The following OR2C1 variants were observed in gnomAD, a reference collection of about 807,000 sequenced individuals.
OR2C1 encodes the protein olfactory receptor family 2 subfamily C member 1.
For missense variants in OR2C1, 468 were observed against 388.3 expected (o/e 1.21, Z -1.73); for synonymous variants, 209 against 167.3 (o/e 1.25, Z -1.92).
At chr16:3,335,089 G>A in the OR2C1 span, among the ~76,000 whole-genome samples, 2 of 152,212 alleles carry the variant, frequency 1.3e-5, no homozygotes, top group Non-Finnish European at 2.9e-5. Context: ...AAAGTGCTGG[G>A]ATTACAGGCG....
chr16:3,355,823 C>T (rs1326482719), upstream of OR2C1: 6 of 701,906 alleles, frequency 8.5e-6, no homozygotes, highest in Non-Finnish European at 1.4e-5. Context: ...ACTATGGATC[C>T]CAGAGAACTA....
At chr16:3,325,460 AATATATATAT>A in the OR2C1 span, among the ~76,000 whole-genome samples, 4,241 of 92,868 alleles carry the variant, frequency 0.046, 90 homozygotes, top group Non-Finnish European at 0.054. Context: ...TATGTCTAAA[AATATATATAT>A]ATATATATAT....
chr16:3,323,115 A>T, the OR2C1 span: 3 of 552,778 alleles, frequency 5.4e-6, no homozygotes, highest in Non-Finnish European at 8.9e-6. Flanking sequence ...TTGATAAAAA[A>T]AATCTCAAAA....
the OR2C1 span, among the ~76,000 whole-genome samples, chr16:3,333,068 C>T: frequency 6.6e-6 from 1 of 151,948 alleles, no homozygotes; most frequent in Non-Finnish European, 1.5e-5. Context: ...AAATTAAAGC[C>T]ATTTTTAACT....
the OR2C1 span, among the ~76,000 whole-genome samples, chr16:3,339,043 C>G: frequency 6.6e-6 from 1 of 152,118 alleles, no homozygotes. Context: ...TTGGAAACCA[C>G]AAATCGGCCT....
At chr16:3,325,458 AAAATATAT>A in the OR2C1 span, among the ~76,000 whole-genome samples, 9 of 60,540 alleles carry the variant, frequency 1.5e-4, no homozygotes, top group East Asian at 1.9e-3. Flanking sequence ...ATTATGTCTA[AAAATATAT>A]ATATATATAT....
At chr16:3,333,557 A>C in the OR2C1 span, among the ~76,000 whole-genome samples, 2 of 151,966 alleles carry the variant, frequency 1.3e-5, no homozygotes, top group Non-Finnish European at 2.9e-5. Context: ...GGATGGTCTC[A>C]ATCTCCTGAC....
chr16:3,331,765 G>A, the OR2C1 span, among the ~76,000 whole-genome samples: 117,999 of 150,474 alleles, frequency 0.78, 46,365 homozygotes, highest in East Asian at 0.93. Context: ...TGCTATAAAG[G>A]CACATGCACA....
the OR2C1 span, among the ~76,000 whole-genome samples, chr16:3,326,884 C>T: frequency 6.6e-6 from 1 of 152,168 alleles, no homozygotes; most frequent in Non-Finnish European, 1.5e-5. Flanking sequence ...GATAGAAATT[C>T]AGTCCTTGGT....
At chr16:3,344,524 G>A in the OR2C1 span, among the ~76,000 whole-genome samples, 2 of 151,862 alleles carry the variant, frequency 1.3e-5, no homozygotes, top group Non-Finnish European at 1.5e-5. Context: ...TCAGGAGATC[G>A]AGACCATCCT....
the OR2C1 span, among the ~76,000 whole-genome samples, chr16:3,324,107 T>C: frequency 6.6e-6 from 1 of 152,236 alleles, no homozygotes; most frequent in East Asian, 1.9e-4. Flanking sequence ...CAAAATTAAA[T>C]ATTTGTAGCA....
chr16:3,336,955 A>T, the OR2C1 span, among the ~76,000 whole-genome samples: 7 of 149,488 alleles, frequency 4.7e-5, no homozygotes, highest in Non-Finnish European at 5.9e-5. Flanking sequence ...TGATCCGCCC[A>T]TCTTGGCCTC....
chr16:3,345,774 CCT>C, the OR2C1 span, among the ~76,000 whole-genome samples: 6 of 150,024 alleles, frequency 4.0e-5, no homozygotes, highest in Non-Finnish European at 7.4e-5. Context: ...TCTTTCTCTC[CCT>C]CTTTCTTTTT....
upstream of OR2C1, among the ~76,000 whole-genome samples, chr16:3,353,715 C>T (rs952657243): frequency 5.4e-5 from 8 of 148,690 alleles, no homozygotes; most frequent in South Asian, 2.2e-4. Context: ...GCAGGAGAAT[C>T]GCTTGAACCT....
upstream of OR2C1, among the ~76,000 whole-genome samples, chr16:3,354,166 G>A (rs1567285744): frequency 1.3e-5 from 2 of 151,958 alleles, no homozygotes; most frequent in African/African-American, 4.8e-5. Flanking sequence ...TGTATTATTA[G>A]TAGAGACGGG....
rs376752968 is a variant in OR2C1 at position 3,356,110 on chromosome 16, C to T, written c.170C>T (p.Thr57Ile). The T allele has an allele frequency of 1.5e-5, 24 of 1,614,096 alleles. No homozygotes were observed. The highest frequency in any genetic ancestry group is 1.8e-5 in the Non-Finnish European group (21 of 1,180,052). ...TCCCGCCTGGAGGCCCGGCTCCATA[C>T]ACCCATGTACTTCTTCCTCAGCAAC... The part of the protein sequence containing the change: ...LLSRLEARLH[T>I]PMYFFLSNLS... Residue 57 changes from threonine to isoleucine, a missense_variant, in exon 1 of 1, where the codon ACA (threonine) becomes ATA (isoleucine). Coordinates refer to ENST00000304936, the MANE Select transcript of OR2C1 (RefSeq NM_012368.3).
chr16:3,330,138 G>A, the OR2C1 span, among the ~76,000 whole-genome samples: 1 of 148,180 alleles, frequency 6.7e-6, no homozygotes, highest in South Asian at 2.2e-4. Context: ...ATGGTGTCTC[G>A]CTCTGTTGCC....
the OR2C1 span, among the ~76,000 whole-genome samples, chr16:3,327,176 C>A: frequency 6.6e-6 from 1 of 151,976 alleles, no homozygotes. Context: ...GTATAATGAA[C>A]CCCCTCAAGG....
the OR2C1 span, among the ~76,000 whole-genome samples, chr16:3,332,667 A>G: frequency 4.6e-5 from 7 of 151,832 alleles, no homozygotes; most frequent in Non-Finnish European, 5.9e-5. Flanking sequence ...CTGTGATGCT[A>G]CAAATGACAA....
Sources: gnomAD v4.1 joint callset for allele counts (sites outside exome capture counted in the v4.1 genomes callset) on GRCh38, gnomAD v4.1.1 for gene constraint, MANE v1.5 for transcripts, NCBI Gene and HGNC (gene_info 2026-07-23, HGNC 2026-07-21) for gene names.